Variants in SCN1A observed in about 807,000 individuals in gnomAD.
SCN1A encodes the protein sodium channel protein type 1 subunit alpha.
A neutral mutation model predicts 193.7 loss-of-function variants in SCN1A; 13 were observed. That is an observed-to-expected ratio of 0.07 (90% CI 0.04 to 0.11). SCN1A has a LOEUF of 0.11. SCN1A is among the 10% of genes least tolerant of loss of function. The pLI, the probability that SCN1A is intolerant of heterozygous loss-of-function variation, is 1.00. For missense variants in SCN1A, 1,432 were observed against 2,451.1 expected (o/e 0.58, Z 8.78); for synonymous variants, 781 against 843.6 (o/e 0.93, Z 1.29).
chr2:166,044,377 G>T (rs754902682), intron 13 of SCN1A, among the ~76,000 whole-genome samples: 5 of 152,114 alleles, frequency 3.3e-5, no homozygotes, highest in African/African-American at 1.2e-4. Context: ...GGCAATGGAC[G>T]TGGTAAACAT....
chr2:166,001,246 C>A (rs1172531566), intron 24 of SCN1A, among the ~76,000 whole-genome samples: 1 of 151,654 alleles, frequency 6.6e-6, no homozygotes, highest in Non-Finnish European at 1.5e-5. Flanking sequence ...CTTTGGCCTC[C>A]CAAAGAGCTA....
At position 165,991,370 on chromosome 2, in the gene SCN1A, T is replaced by C; in HGVS notation, c.5905A>G (p.Ile1969Val). 1 of 1,613,422 alleles carries C rather than the reference T, an allele frequency of 6.2e-7. No homozygotes were observed. Among genetic ancestry groups the C allele is most frequent in the South Asian group, 1.1e-5 (1 of 91,032 alleles). ...ATGGTCAGATCAGTTTTTTCTGTAATAGAGTTTTCATTTATTCTGTCAATT... is the reference window on the plus strand; with the variant it reads ...ATGGTCAGATCAGTTTTTTCTGTAACAGAGTTTTCATTTATTCTGTCAATT... ...MIIDRINENS[I>V]TEKTDLTMST... The change falls in exon 29 of 29, where the codon ATT becomes GTT. Residue 1969 changes from isoleucine to valine, a missense_variant. This residue lies in a region of SCN1A where 148 missense variants were observed against 160.3 expected (regional missense o/e 0.92). Transcript: ENST00000674923.
intron 23 of SCN1A, among the ~76,000 whole-genome samples, chr2:166,004,067 CA>C (rs1691318210): frequency 6.6e-6 from 1 of 151,490 alleles, no homozygotes; most frequent in Admixed American, 6.6e-5. Flanking sequence ...CAGGCAGAAC[CA>C]AATGATGTGG....
At chr2:166,057,865 C>G (rs1699285105) in intron 5 of SCN1A, among the ~76,000 whole-genome samples, 2 of 151,900 alleles carry the variant, frequency 1.3e-5, no homozygotes, top group East Asian at 3.8e-4. Flanking sequence ...TGAATTTAGT[C>G]GTGGAGTCCT....
chr2:166,063,243 G>A (rs191221406), intron 4 of SCN1A, among the ~76,000 whole-genome samples: 75 of 152,140 alleles, frequency 4.9e-4, no homozygotes, highest in Admixed American at 1.9e-3. Context: ...TTGAAGCATG[G>A]CATTGTAACT....
chr2:166,045,048 G>A lies in SCN1A; in HGVS notation c.1657C>T (p.His553Tyr), dbSNP rs1697628486. ...TAAACTCAGCAGTGCCATACCTGGT[G>A]TGGGGAGGAGTACCTCTTTTCATAT... ...LTYEKRYSSP[H>Y]QSLLSIRGSL... The change falls in exon 13 of 29, where the codon CAC (histidine) becomes TAC (tyrosine). Residue 553 changes from histidine (H) to tyrosine (Y), a missense_variant. Transcript: ENST00000674923. The A allele has an allele frequency of 6.2e-7, 1 of 1,614,104 alleles. No homozygotes were observed. The highest frequency in any genetic ancestry group is 1.6e-4 in the Middle Eastern group (1 of 6,062).
At chr2:166,095,424 T>C (rs1475202264) in intron 2 of SCN1A, among the ~76,000 whole-genome samples, 1 of 152,230 alleles carries the variant, frequency 6.6e-6, no homozygotes, top group Admixed American at 6.5e-5. Context: ...AGTTTTTTAG[T>C]AATATAATAC....
rs1688642964 is a variant in SCN1A, at chr2:165,986,800, T to C, written c.*4445A>G. 6.6e-6 allele frequency: 1 copy of C among 152,022 alleles called. No homozygotes were observed. Among genetic ancestry groups the C allele is most frequent in the Non-Finnish European group, 1.5e-5 (1 of 67,970 alleles). 9.4% of individuals were successfully genotyped at this position (152,022 alleles called of 1,614,324 possible). A position where few individuals can be genotyped will look rare whatever the true frequency, so the allele number is the denominator to read the frequency against. On this transcript the variant is annotated 3_prime_UTR_variant, in exon 29 of 29. Transcript: ENST00000674923. ...CATATATATATAAATGTAACTCATT[T>C]TTCTTTGAACTGATTCAAGAATGAG...
At chr2:166,032,727 G>T (rs7606573) in intron 19 of SCN1A, among the ~76,000 whole-genome samples, 1 of 151,966 alleles carries the variant, frequency 6.6e-6, no homozygotes. Context: ...ACAAAATTTC[G>T]TCTGGATGAG....
intron 1 of SCN1A, among the ~76,000 whole-genome samples, chr2:166,139,502 A>T (rs1161237327): frequency 3.3e-5 from 5 of 152,182 alleles, no homozygotes; most frequent in Non-Finnish European, 4.4e-5. Flanking sequence ...TCCATGTGAG[A>T]TGTGACTTGC....
rs970596503 is a variant in SCN1A, at chr2:165,988,090, C to T, written c.*3155G>A. 1 of 152,102 alleles carries T rather than the reference C, an allele frequency of 6.6e-6. No homozygotes were observed. Among genetic ancestry groups the T allele is most frequent in the South Asian group, 2.1e-4 (1 of 4,822 alleles). 9.4% of individuals were successfully genotyped at this position (152,102 alleles called of 1,614,324 possible). A position where few individuals can be genotyped will look rare whatever the true frequency, so the allele number is the denominator to read the frequency against. ...GGCTTCACCTGATGACAAGGGAAGGCTTCTCGTTCCTCAGAAATTTAGATA... is the reference window on the plus strand; with the variant it reads ...GGCTTCACCTGATGACAAGGGAAGGTTTCTCGTTCCTCAGAAATTTAGATA... On this transcript the variant is annotated 3_prime_UTR_variant, in exon 29 of 29. Coordinates refer to ENST00000674923, the MANE Select transcript of SCN1A (RefSeq NM_001165963.4).
Position 166,098,144 on chromosome 2 carries a change from G to T in SCN1A, c.-141-20343C>A, listed in dbSNP as rs1574482685. 2.0e-5 allele frequency among the ~76,000 whole-genome samples: 3 copies of T among 152,208 alleles called. No individual in the cohort carries two copies. The South Asian group carries it at 6.2e-4, about 32-fold the overall frequency. On this transcript the variant is annotated intron_variant, in intron 2 of 28. Transcript: ENST00000674923. The stretch of plus-strand genomic sequence containing the variant: ...ACAAAATACTAGCAAATTGAACCCA[G>T]CAGCACATCCAAAAAGCTAATCCAC...
At chr2:166,022,728 A>G (rs1246022729) in intron 19 of SCN1A, among the ~76,000 whole-genome samples, 1 of 152,230 alleles carries the variant, frequency 6.6e-6, no homozygotes. Context: ...ATTTTAGAAA[A>G]GTTACAATGT....
intron 20 of SCN1A, 91 bp downstream of exon 20, chr2:166,015,516 C>A: frequency 6.7e-7 from 1 of 1,488,608 alleles, no homozygotes; most frequent in Non-Finnish European, 9.4e-7. Context: ...TACAAAGTGC[C>A]ATTTTATTAT....
intron 1 of SCN1A, among the ~76,000 whole-genome samples, chr2:166,144,008 A>G (rs1332810920): frequency 6.6e-6 from 1 of 152,210 alleles, no homozygotes; most frequent in African/African-American, 2.4e-5. Flanking sequence ...ATCAAACCCA[A>G]AGAGATTTTC....
intron 4 of SCN1A, among the ~76,000 whole-genome samples, chr2:166,061,978 A>C (rs1489698661): frequency 2.0e-5 from 3 of 152,208 alleles, no homozygotes; most frequent in Non-Finnish European, 4.4e-5. Flanking sequence ...AACAAGATTT[A>C]TATGTGCAAT....
In SCN1A at chr2:165,985,852, T is replaced by C. The variant is rs1688577831; in HGVS notation, c.*5393A>G. 1 of 152,134 alleles carries C rather than the reference T, an allele frequency of 6.6e-6. No homozygotes were observed. The highest frequency in any genetic ancestry group is 6.5e-5 in the Admixed American group (1 of 15,274). 9.4% of individuals were successfully genotyped at this position (152,134 alleles called of 1,614,324 possible). A position where few individuals can be genotyped will look rare whatever the true frequency, so the allele number is the denominator to read the frequency against. On this transcript the variant is annotated 3_prime_UTR_variant, in exon 29 of 29. Coordinates refer to ENST00000674923, the MANE Select transcript of SCN1A (RefSeq NM_001165963.4). ...GAAACACATTTATTTTCTTATATAA[T>C]AAGAAATTCCAGTGCACACATGAAG...
chr2:166,101,786 T>C (rs542753117), intron 2 of SCN1A, among the ~76,000 whole-genome samples: 1 of 152,084 alleles, frequency 6.6e-6, no homozygotes, highest in East Asian at 1.9e-4. Flanking sequence ...AGAAGAAAAC[T>C]AAGAAATACC....
At chr2:166,132,671 T>C (rs1367335304), upstream of SCN1A, among the ~76,000 whole-genome samples, 1 of 152,166 alleles carries the variant, frequency 6.6e-6, no homozygotes, top group African/African-American at 2.4e-5. Flanking sequence ...AAAGTTACAA[T>C]TTTTTGATGG....
Sources: gnomAD v4.1 joint callset for allele counts (sites outside exome capture counted in the v4.1 genomes callset) on GRCh38, gnomAD v4.1.1 for gene constraint, gnomAD v4.1.1 regional missense constraint, MANE v1.5 for transcripts, NCBI Gene and HGNC (gene_info 2026-07-23, HGNC 2026-07-21) for gene names.